The following ABCC3 variants were observed in gnomAD, a reference collection of about 807,000 sequenced individuals.
ABCC3 encodes ATP-binding cassette sub-family C member 3.
A neutral mutation model predicts 165.3 loss-of-function variants in ABCC3; 121 were observed. The observed-to-expected ratio is 0.73, with a 90% CI of 0.63 to 0.85. ABCC3 has a LOEUF of 0.85. Ranked by LOEUF, ABCC3 falls within the 40% of genes least tolerant of loss-of-function variation. The pLI, the probability that ABCC3 is intolerant of heterozygous loss-of-function variation, is 0.00. For synonymous variants in ABCC3, 733 were observed against 810.1 expected, an observed-to-expected ratio of 0.90 and a Z score of 1.62; for missense variants, 1,869 against 1,964.1, an observed-to-expected ratio of 0.95 and a Z score of 0.92.
chr17:50,659,073 C>A, intron 6 of ABCC3, 164 bp from the exon 7 acceptor site: 1 of 789,752 alleles, frequency 1.3e-6, no homozygotes, highest in Non-Finnish European at 2.0e-6. Context: ...TGACCTCAAG[C>A]CTATTCACTG....
At chr17:50,650,988 C>T (rs1294586907) in intron 1 of ABCC3, among the ~76,000 whole-genome samples, 1 of 143,708 alleles carries the variant, frequency 7.0e-6, no homozygotes, top group African/African-American at 2.6e-5. Context: ...TTACCTGAAC[C>T]CAGGAGGTGG....
intron 27 of ABCC3, 41 bp downstream of exon 27, chr17:50,683,797 T>G (rs754974647): frequency 1.9e-6 from 3 of 1,583,176 alleles, no homozygotes; most frequent in South Asian, 2.3e-5. Flanking sequence ...TGTTCATGCC[T>G]GCAGACATGG....
At chr17:50,663,654 C>T (rs1165424049) in intron 8 of ABCC3, 27 bp from the exon 9 acceptor site, 9 of 1,612,280 alleles carry the variant, frequency 5.6e-6, no homozygotes, top group Non-Finnish European at 5.9e-6. Context: ...CAGCACTGCC[C>T]ACCTCACTCC....
At chr17:50,643,730 AAG>A in intron 1 of ABCC3, 1 of 431,544 alleles carries the variant, frequency 2.3e-6, no homozygotes, top group South Asian at 1.6e-5. Context: ...AAGTGGTAAA[AAG>A]AGGGACTAGG....
chr17:50,656,662 C>T (rs1245842003), intron 2 of ABCC3, 40 bp from the exon 3 acceptor site: 2 of 1,588,524 alleles, frequency 1.3e-6, no homozygotes, highest in South Asian at 2.3e-5. Flanking sequence ...ACTGTCCTTG[C>T]CTCTGGGGAT....
chr17:50,687,847 A>G, intron 30 of ABCC3, 117 bp downstream of exon 30: 1 of 1,133,690 alleles, frequency 8.8e-7, no homozygotes, highest in South Asian at 1.5e-5. Flanking sequence ...TTGCTAGGGC[A>G]TGGCAGGCAG....
rs371634778 is a variant in ABCC3, at chr17:50,679,751, G to A, written c.3706-47G>A. 15 of 1,544,094 alleles carry A rather than the reference G, an allele frequency of 9.7e-6. No individual in the cohort carries two copies. In the African/African-American group the frequency reaches 1.5e-4, roughly 15 times the overall value. ...CTGAACTCCTCCCAAAGCCATTACG[G>A]TGGGGAGGGGAGATCGCCATACGTA... On this transcript the variant is annotated intron_variant, in intron 25 of 30. Coordinates refer to ENST00000285238, the MANE Select transcript of ABCC3 (RefSeq NM_003786.4).
intron 1 of ABCC3, among the ~76,000 whole-genome samples, chr17:50,646,827 G>A (rs1458997143): frequency 6.6e-6 from 1 of 152,190 alleles, no homozygotes; most frequent in Non-Finnish European, 1.5e-5. Flanking sequence ...CCAGAGAGGG[G>A]AGAGGTTAAG....
intron 7 of ABCC3, 121 bp downstream of exon 7, chr17:50,659,489 G>A (rs1391123716): frequency 1.6e-6 from 2 of 1,242,496 alleles, no homozygotes; most frequent in Non-Finnish European, 2.2e-6. Context: ...AGGACCAGGT[G>A]ATTTCTTGGC....
chr17:50,658,157 G>A lies in ABCC3; in HGVS notation c.562G>A (p.Ala188Thr), dbSNP rs1387723781. 1.9e-6 allele frequency: 3 copies of A among 1,614,132 alleles called. No individual in the cohort carries two copies. Residue 188 changes from alanine to threonine, a missense_variant, in exon 5 of 31, where the codon GCC becomes ACC. Coordinates refer to ENST00000285238, the MANE Select transcript of ABCC3 (RefSeq NM_003786.4). ...CCTGGTACTCTCTGCCCTCATCTTG[G>A]CCTGCTTCAGGGAGAAACCTCCATT... ...FALVLSALIL[A>T]CFREKPPFFS...
intron 27 of ABCC3, 30 bp from the exon 28 acceptor site, chr17:50,683,919 C>T: frequency 1.2e-6 from 2 of 1,605,668 alleles, no homozygotes; most frequent in East Asian, 2.2e-5. Flanking sequence ...CTCAGCTTCC[C>T]CCTCAGAGCC....
chr17:50,637,536 A>G (rs1598901847), intron 1 of ABCC3, among the ~76,000 whole-genome samples: 1 of 152,144 alleles, frequency 6.6e-6, no homozygotes, highest in Non-Finnish European at 1.5e-5. Context: ...GCAGCCCGGA[A>G]GTACCTGAAC....
chr17:50,650,806 C>T (rs962299319), intron 1 of ABCC3, among the ~76,000 whole-genome samples: 6 of 152,042 alleles, frequency 3.9e-5, no homozygotes, highest in African/African-American at 1.4e-4. Flanking sequence ...TGGCTCATGC[C>T]TGTAATCCCA....
Position 50,677,778 on chromosome 17 carries a change from G to A in ABCC3, c.3413G>A (p.Arg1138Gln), listed in dbSNP as rs371480718. 2.1e-5 allele frequency: 34 copies of A among 1,613,948 alleles called. No individual in the cohort carries two copies. Among genetic ancestry groups the A allele is most frequent in the Admixed American group, 1.2e-4 (7 of 59,984 alleles). The change falls in exon 24 of 31, where the codon CGG becomes CAG. Residue 1138 changes from arginine to glutamine, a missense_variant. Coordinates refer to ENST00000285238, the MANE Select transcript of ABCC3 (RefSeq NM_003786.4). ...FYAATSRQLK[R>Q]LESVSRSPIY... is the part of the protein sequence containing the mutation. ...GCAGCCACATCACGGCAACTGAAGC[G>A]GCTGGAATCAGTCAGCCGCTCACCT...
chr17:50,688,230 C>G (rs1424484034), intron 30 of ABCC3, among the ~76,000 whole-genome samples: 2 of 152,132 alleles, frequency 1.3e-5, no homozygotes, highest in African/African-American at 2.4e-5. Flanking sequence ...CATTTTCTAA[C>G]ACATGGGGAA....
At chr17:50,660,610 G>A (rs1247991359) in intron 7 of ABCC3, among the ~76,000 whole-genome samples, 1 of 152,086 alleles carries the variant, frequency 6.6e-6, no homozygotes, top group Non-Finnish European at 1.5e-5. Context: ...AGCCATCCTT[G>A]ATCTTATCTA....
intron 17 of ABCC3, among the ~76,000 whole-genome samples, chr17:50,669,897 G>A (rs1039352923): frequency 4.6e-5 from 7 of 152,096 alleles, no homozygotes; most frequent in African/African-American, 1.7e-4. Flanking sequence ...CTGGGCTCAA[G>A]TGATCCTCTC....
At chr17:50,690,007 A>G (rs577388686) in intron 30 of ABCC3, among the ~76,000 whole-genome samples, 13 of 152,320 alleles carry the variant, frequency 8.5e-5, no homozygotes, top group Non-Finnish European at 1.3e-4. Context: ...GAAAAAGGCT[A>G]TCCACACAGG....
At chr17:50,671,954 T>C (rs557724079) in intron 17 of ABCC3, among the ~76,000 whole-genome samples, 4 of 152,120 alleles carry the variant, frequency 2.6e-5, no homozygotes, top group Non-Finnish European at 5.9e-5. Context: ...ACTCCTGACT[T>C]CAAATGATCC....
Sources: allele counts gnomAD v4.1 joint callset (sites outside exome capture counted in the v4.1 genomes callset), GRCh38; gene constraint gnomAD v4.1.1; transcripts MANE v1.5; gene names NCBI Gene and HGNC (gene_info 2026-07-23, HGNC 2026-07-21).